The following PKHD1 variants were observed in gnomAD, a reference collection of about 807,000 sequenced individuals.
PKHD1 encodes the protein fibrocystin.
A neutral mutation model predicts 412.0 loss-of-function variants in PKHD1; 291 were observed. That is an observed-to-expected ratio of 0.71 (90% confidence interval 0.64 to 0.78). PKHD1 has a LOEUF of 0.78. Ranked by LOEUF, PKHD1 falls within the 30% of genes least tolerant of loss-of-function variation. The probability of loss-of-function intolerance (pLI) is 0.00; values close to 1 mark genes in which losing one functional copy is unlikely to be tolerated. For missense variants in PKHD1, 4,825 were observed against 4,950.7 expected (o/e 0.97, Z 0.76); for synonymous variants, 1,777 against 1,821.5 (o/e 0.98, Z 0.62).
chr6:51,656,552 T>G (rs1298015351), intron 61 of PKHD1, among the ~76,000 whole-genome samples: 1 of 152,046 alleles, frequency 6.6e-6, no homozygotes, highest in East Asian at 1.9e-4. Flanking sequence ...TCCAGATGCC[T>G]CTAGAGAAAG....
intron 37 of PKHD1, among the ~76,000 whole-genome samples, chr6:51,932,117 T>C (rs1426956315): frequency 6.6e-6 from 1 of 152,184 alleles, no homozygotes; most frequent in Admixed American, 6.5e-5. Context: ...CTTTCAGAAT[T>C]TTCAAACCAT....
chr6:51,962,561 A>G (rs531343716), intron 35 of PKHD1, among the ~76,000 whole-genome samples: 1 of 152,236 alleles, frequency 6.6e-6, no homozygotes, highest in East Asian at 1.9e-4. Context: ...TGGAAAGGTC[A>G]AATACTGTTA....
rs982335849 is a variant in PKHD1, at chr6:52,026,647, T to C, written c.3629-466A>G. On this transcript the variant is annotated intron_variant, in intron 31 of 66. Transcript: ENST00000371117. ...AAGTCTTCTATCATTTATATTGTTC[T>C]ATATAATATTCCAATATTCCATATA... is the stretch of plus-strand genomic sequence containing the variant. 1.5e-4 allele frequency among the ~76,000 whole-genome samples: 23 copies of C among 152,240 alleles called. 1 individual carries two copies. The highest frequency in any genetic ancestry group is 5.1e-4 in the African/African-American group (21 of 41,450).
chr6:52,057,059 T>C, intron 16 of PKHD1, 80 bp from the exon 17 acceptor site: 1 of 882,738 alleles, frequency 1.1e-6, no homozygotes. Flanking sequence ...AGGACATTCC[T>C]CCTCAACTTG....
intron 36 of PKHD1, among the ~76,000 whole-genome samples, chr6:51,954,753 TGTGA>T (rs1478711559): frequency 6.6e-6 from 1 of 152,050 alleles, no homozygotes; most frequent in African/African-American, 2.4e-5. Context: ...GTTGTGTGTG[TGTGA>T]TAGGAGTACC....
At chr6:51,949,957 G>C (rs1387956320) in intron 36 of PKHD1, among the ~76,000 whole-genome samples, 1 of 151,828 alleles carries the variant, frequency 6.6e-6, no homozygotes, top group Non-Finnish European at 1.5e-5. Flanking sequence ...TTCCCCTTTA[G>C]CTGATACTGC....
At chr6:51,662,026 T>C (rs1266327713) in intron 60 of PKHD1, among the ~76,000 whole-genome samples, 1 of 151,916 alleles carries the variant, frequency 6.6e-6, no homozygotes, top group African/African-American at 2.4e-5. Context: ...TACTTTTTCT[T>C]CAACAATAAC....
chr6:51,619,582 T>C, intron 66 of PKHD1, 62 bp from the exon 67 acceptor site: 1 of 1,329,776 alleles, frequency 7.5e-7, no homozygotes, highest in Non-Finnish European at 1.1e-6. Flanking sequence ...ATTACACATT[T>C]TGCATACTTA....
intron 64 of PKHD1, 50 bp downstream of exon 64, chr6:51,638,799 C>CAAAAAAAAA: frequency 1.2e-6 from 1 of 847,886 alleles, no homozygotes. Flanking sequence ...ATTATCTTCT[C>CAAAAAAAAA]AAAAAAAAAA....
At chr6:51,695,469 G>A (rs534690833) in intron 60 of PKHD1, among the ~76,000 whole-genome samples, 1 of 152,232 alleles carries the variant, frequency 6.6e-6, no homozygotes, top group South Asian at 2.1e-4. Context: ...GGAGGAAGAA[G>A]AAGAGGAAGG....
rs1581894231 is a variant in PKHD1 at position 51,659,663 on chromosome 6, T to C, written c.10463A>G (p.Asn3488Ser). The change falls in exon 61 of 67, where the codon AAC (asparagine) becomes AGC (serine). Residue 3488 changes from asparagine to serine, a missense_variant. Coordinates refer to ENST00000371117, the MANE Select transcript of PKHD1 (RefSeq NM_138694.4). ...PQVLRFFLLGNKSTSKLLLAV... is the reference protein window; with the variant it reads ...PQVLRFFLLGSKSTSKLLLAV... Reference sequence around the variant, plus strand: ...CAAGAGAAGCTTGGAGGTACTTTTGTTCCCCAATAGAAAAAAGCGCAAAAC... The same window carrying C: ...CAAGAGAAGCTTGGAGGTACTTTTGCTCCCCAATAGAAAAAAGCGCAAAAC... 1 of 1,613,820 alleles carries C rather than the reference T, an allele frequency of 6.2e-7. No homozygotes were observed. Among genetic ancestry groups the C allele is most frequent in the Non-Finnish European group, 8.5e-7 (1 of 1,179,858 alleles).
chr6:51,917,588 G>A (rs565277009), intron 37 of PKHD1, among the ~76,000 whole-genome samples: 18 of 152,276 alleles, frequency 1.2e-4, no homozygotes, highest in African/African-American at 4.1e-4. Flanking sequence ...CCCAGAAGAG[G>A]TGATAACTGA....
Position 51,912,528 on chromosome 6 carries a change from G to C in PKHD1, c.6170C>G (p.Ala2057Gly). ...IVTCLRATAH[A>G]LDTVLALEDA... ...TTCTAAAGCCAGCACTGTGTCTAGG[G>C]CATGGGCAGTTGCTCTAAGACAGGT... is the stretch of plus-strand genomic sequence containing the variant. Residue 2057 changes from alanine (A) to glycine (G), a missense_variant, in exon 38 of 67, where the codon GCC becomes GGC. Physicochemically the swap from Ala to Gly is moderately conservative, Grantham distance 60. Coordinates refer to ENST00000371117, the MANE Select transcript of PKHD1 (RefSeq NM_138694.4). 1 of 1,613,240 alleles carries C rather than the reference G, an allele frequency of 6.2e-7. No homozygotes were observed. The highest frequency in any genetic ancestry group is 8.5e-7 in the Non-Finnish European group (1 of 1,179,410).
chr6:51,771,438 A>G (rs1790114033), intron 55 of PKHD1, among the ~76,000 whole-genome samples: 5 of 152,102 alleles, frequency 3.3e-5, no homozygotes, highest in Admixed American at 3.3e-4. Flanking sequence ...CCTGACTGAC[A>G]TGGTGAAACA....
Position 52,025,586 on chromosome 6 carries a change from A to G in PKHD1, c.4224T>C (p.Thr1408=), listed in dbSNP as rs1348053835. The G allele has an allele frequency of 1.1e-5, 18 of 1,614,040 alleles. No homozygotes were observed. The East Asian group carries it at 2.2e-4, about 20-fold the overall frequency. Residue 1408 remains threonine (T), a synonymous_variant, in exon 32 of 67, where the codon ACT becomes ACC. Coordinates refer to ENST00000371117, the MANE Select transcript of PKHD1 (RefSeq NM_138694.4). The part of the protein sequence containing the change: ...QGSACGGTIL[T]VRGLLLNSRR... The stretch of plus-strand genomic sequence containing the variant: ...TAGAGTTAAGAAGCAACCCCCTCAC[A>G]GTAAGTATGGTCCCACCACATGCCG...
At chr6:51,895,696 A>G (rs921655293) in intron 43 of PKHD1, among the ~76,000 whole-genome samples, 1 of 152,168 alleles carries the variant, frequency 6.6e-6, no homozygotes, top group Non-Finnish European at 1.5e-5. Context: ...GCTCCGGTCT[A>G]CAGCTCCCAG....
rs1410681389 is a variant in PKHD1, at chr6:51,982,896, AAAG to A, written c.5752-22873_5752-22871del. ...AAAATAAAATAAAATAAAATAAAAA[AAAG>A]AGAGGCTCCAAAGTATCCACATCTT... On this transcript the variant is annotated intron_variant, in intron 35 of 66. Transcript: ENST00000371117. 1.4e-4 allele frequency among the ~76,000 whole-genome samples: 21 copies of A among 150,902 alleles called. 1 individual carries two copies. Among genetic ancestry groups the A allele is most frequent in the African/African-American group, 5.1e-4 (21 of 41,428 alleles).
At chr6:51,737,354 A>G (rs1783983299) in intron 60 of PKHD1, among the ~76,000 whole-genome samples, 1 of 152,238 alleles carries the variant, frequency 6.6e-6, no homozygotes. Flanking sequence ...CCACTGATAT[A>G]TTATGAAAGT....
intron 34 of PKHD1, among the ~76,000 whole-genome samples, chr6:52,011,906 A>T (rs1185324186): frequency 1.3e-5 from 2 of 152,178 alleles, no homozygotes; most frequent in Non-Finnish European, 2.9e-5. Context: ...GTCTGCCTTT[A>T]TCTGAGCCTC....
Sources: gnomAD v4.1 joint callset for allele counts (sites outside exome capture counted in the v4.1 genomes callset) on GRCh38, gnomAD v4.1.1 for gene constraint, MANE v1.5 for transcripts, NCBI Gene and HGNC (gene_info 2026-07-23, HGNC 2026-07-21) for gene names.